The following MORN1 variants were observed in gnomAD, a reference collection of about 807,000 sequenced individuals.
MORN1 encodes the protein MORN repeat containing 1.
In MORN1, 67 loss-of-function variants were observed where a neutral mutation model predicts 61.9. The ratio of observed to expected loss-of-function variants is 1.08; its 90% confidence interval spans 0.89 to 1.33. MORN1 has a LOEUF of 1.33. Among genes scored for constraint, MORN1 ranks in the 40% most tolerant of loss-of-function variants. MORN1 has a pLI of 0.00. For synonymous variants in MORN1, 301 were observed against 292.0 expected, an observed-to-expected ratio of 1.03 and a Z score of -0.31; for missense variants, 752 against 691.2, an observed-to-expected ratio of 1.09 and a Z score of -0.99.
At chr1:2,353,873 G>C (rs1472150125) in intron 10 of MORN1, among the ~76,000 whole-genome samples, 1 of 152,244 alleles carries the variant, frequency 6.6e-6, no homozygotes, top group Non-Finnish European at 1.5e-5. Flanking sequence ...GGGAAGAAAA[G>C]TTTGTGTCAA....
intron 10 of MORN1, among the ~76,000 whole-genome samples, chr1:2,343,108 T>C (rs575844825): frequency 6.6e-6 from 1 of 152,248 alleles, no homozygotes; most frequent in East Asian, 1.9e-4. Flanking sequence ...CCATCCTTCC[T>C]GAACGTTCAG....
chr1:2,321,701 T>G, intron 13 of MORN1, 122 bp from the exon 14 acceptor site: 2 of 1,284,760 alleles, frequency 1.6e-6, no homozygotes, highest in Non-Finnish European at 2.0e-6. Context: ...TGGTCATCTC[T>G]GCCTGGGTTC....
At chr1:2,344,904 A>C (rs1203690727) in intron 10 of MORN1, among the ~76,000 whole-genome samples, 1 of 152,222 alleles carries the variant, frequency 6.6e-6, no homozygotes, top group African/African-American at 2.4e-5. Flanking sequence ...GCACAAAGCG[A>C]GAGCATCAAA....
At chr1:2,379,304 C>A in intron 6 of MORN1, 1 of 380,186 alleles carries the variant, frequency 2.6e-6, no homozygotes. Context: ...AAAGGACTTA[C>A]CACTTTCTAG....
rs77927495 is a variant in MORN1 at position 2,325,123 on chromosome 1, C to T, written c.1251-980G>A. On this transcript the variant is annotated intron_variant, in intron 12 of 13. Coordinates refer to ENST00000378531, the MANE Select transcript of MORN1 (RefSeq NM_024848.3). ...TCTCCCCTTTCCTTCCCTTCCTTCC[C>T]TTCCTTCCTTCCCTCCCTCCCTCCC... Among the ~76,000 whole-genome samples the T allele has an allele frequency of 1.5e-3, 60 of 40,072 alleles. 1 individual carries two copies. Among genetic ancestry groups the T allele is most frequent in the East Asian group, 9.4e-3 (5 of 532 alleles). The allele number at this position is 40,072 out of a possible 152,430, so 26.3% of individuals were successfully genotyped here.
At chr1:2,328,952 G>A (rs1345155897) in intron 12 of MORN1, among the ~76,000 whole-genome samples, 1 of 152,238 alleles carries the variant, frequency 6.6e-6, no homozygotes, top group African/African-American at 2.4e-5. Flanking sequence ...GCAGCCCAGG[G>A]AGATGACGGT....
At chr1:2,385,777 C>T in intron 5 of MORN1, 30 bp downstream of exon 5, 7 of 1,599,150 alleles carry the variant, frequency 4.4e-6, no homozygotes, top group Non-Finnish European at 6.0e-6. Context: ...CTGTCATGCG[C>T]CAGGCAGTAC....
chr1:2,388,049 A>C (rs1477869679), intron 3 of MORN1, 190 bp downstream of exon 3: 1 of 539,014 alleles, frequency 1.9e-6, no homozygotes, highest in East Asian at 3.0e-5. Flanking sequence ...TGTCTCCGGA[A>C]GCCTGAGTTG....
intron 6 of MORN1, among the ~76,000 whole-genome samples, chr1:2,382,469 G>T (rs1238273387): frequency 6.6e-6 from 1 of 152,198 alleles, no homozygotes; most frequent in Non-Finnish European, 1.5e-5. Context: ...CCAAGCTCCA[G>T]AGCTGTGCAC....
intron 8 of MORN1, among the ~76,000 whole-genome samples, chr1:2,360,771 A>C (rs1013836104): frequency 5.3e-5 from 8 of 152,184 alleles, no homozygotes; most frequent in African/African-American, 1.9e-4. Context: ...AAGAGGGACC[A>C]GGACCTGGGC....
Position 2,327,330 on chromosome 1 carries a change from AGAAACACACAG to A in MORN1, c.1251-3198_1251-3188del, listed in dbSNP as rs1386881454. 7.9e-5 allele frequency among the ~76,000 whole-genome samples: 12 copies of A among 152,266 alleles called. No homozygotes were observed. In the South Asian group the frequency reaches 1.7e-3, roughly 21 times the overall value. The stretch of plus-strand genomic sequence containing the variant: ...CAAACACAGAGACACAGAAACACAC[AGAAACACACAG>A]ACAGAAACAAACACAGAAACACAGA... On this transcript the variant is annotated intron_variant, in intron 12 of 13. Coordinates refer to ENST00000378531, the MANE Select transcript of MORN1 (RefSeq NM_024848.3).
chr1:2,368,628 T>G (rs1432710588), intron 8 of MORN1, among the ~76,000 whole-genome samples: 4 of 152,186 alleles, frequency 2.6e-5, no homozygotes, highest in Non-Finnish European at 5.9e-5. Flanking sequence ...GTTCTGCCTC[T>G]TATCTCCATT....
chr1:2,385,065 C>G lies in MORN1; in HGVS notation c.450G>C (p.Gln150His). The G allele has an allele frequency of 6.3e-7, 1 of 1,589,604 alleles. No homozygotes were observed. The highest frequency in any genetic ancestry group is 8.6e-7 in the Non-Finnish European group (1 of 1,169,104). The change falls in exon 6 of 14, where the codon CAG becomes CAC. Residue 150 changes from glutamine to histidine, a missense_variant and splice_region_variant. Gln to His is a conservative substitution (Grantham distance 24). Coordinates refer to ENST00000378531, the MANE Select transcript of MORN1 (RefSeq NM_024848.3). ...KRHGPGQMLFQNGDKYDGDWV... is the reference protein window; with the variant it reads ...KRHGPGQMLFHNGDKYDGDWV... ...AGTCGCCGTCGTACTTGTCACCGTT[C>G]CTGGGGGACACACGCACGGAGTCCA... is the stretch of plus-strand genomic sequence containing the variant.
intron 10 of MORN1, among the ~76,000 whole-genome samples, chr1:2,348,621 A>ATG (rs1278605190): frequency 3.3e-5 from 5 of 152,040 alleles, no homozygotes; most frequent in Non-Finnish European, 4.4e-5. Flanking sequence ...CTAGGCAGGC[A>ATG]CGCACGCACA....
intron 13 of MORN1, chr1:2,323,850 C>A: frequency 1.0e-6 from 1 of 985,346 alleles, no homozygotes; most frequent in Non-Finnish European, 1.2e-6. Context: ...AGGACATTCC[C>A]CACATCAAGG....
At chr1:2,364,095 A>G (rs915055405) in intron 8 of MORN1, among the ~76,000 whole-genome samples, 2 of 152,176 alleles carry the variant, frequency 1.3e-5, no homozygotes, top group Non-Finnish European at 2.9e-5. Context: ...GTTAAAAGTA[A>G]AAGGATGGAT....
chr1:2,324,886 G>A (rs1264632470), intron 12 of MORN1, among the ~76,000 whole-genome samples: 62 of 151,952 alleles, frequency 4.1e-4, no homozygotes, highest in Non-Finnish European at 1.5e-5. Flanking sequence ...GCCATGGCCA[G>A]GCAGGATCTG....
At chr1:2,384,527 A>T (rs72923110) in intron 6 of MORN1, among the ~76,000 whole-genome samples, 2,154 of 152,352 alleles carry the variant, frequency 0.014, 49 homozygotes, top group African/African-American at 0.049. Context: ...CCGTAAAGGA[A>T]GTTCCACGGT....
At chr1:2,347,184 G>T (rs1419553684) in intron 10 of MORN1, among the ~76,000 whole-genome samples, 1 of 152,216 alleles carries the variant, frequency 6.6e-6, no homozygotes, top group African/African-American at 2.4e-5. Flanking sequence ...TGGGGGAGGT[G>T]GTTTCCCACT....
Sources: gnomAD v4.1 joint callset for allele counts (sites outside exome capture counted in the v4.1 genomes callset) on GRCh38, gnomAD v4.1.1 for gene constraint, MANE v1.5 for transcripts, NCBI Gene and HGNC (gene_info 2026-07-23, HGNC 2026-07-21) for gene names.